Variants in TTC34 observed in about 807,000 individuals in gnomAD.
The protein encoded by TTC34 is tetratricopeptide repeat protein 34.
A neutral mutation model predicts 40.7 loss-of-function variants in TTC34; 44 were observed. The observed-to-expected ratio is 1.08, with a 90% CI of 0.85 to 1.39. TTC34 has a LOEUF of 1.39. TTC34 is among the 40% of genes most tolerant of loss of function. The pLI, the probability that TTC34 is intolerant of heterozygous loss-of-function variation, is 0.00. For synonymous variants in TTC34, 422 were observed against 398.6 expected (o/e 1.06, Z -0.70); for missense variants, 884 against 838.0 (o/e 1.05, Z -0.68).
At chr1:2,755,688 G>C (rs1641480261) in intron 6 of TTC34, among the ~76,000 whole-genome samples, 1 of 106,760 alleles carries the variant, frequency 9.4e-6, no homozygotes, top group African/African-American at 4.5e-5. Context: ...TGACATCGTG[G>C]AGCAGCACCC....
At chr1:2,685,096 A>G (rs1640266159) in intron 6 of TTC34, among the ~76,000 whole-genome samples, 1 of 140,808 alleles carries the variant, frequency 7.1e-6, no homozygotes, top group Non-Finnish European at 1.5e-5. Context: ...TGTGCACGTG[A>G]CAGCTTGGAT....
chr1:2,653,345 A>G (rs1291491702), intron 6 of TTC34, among the ~76,000 whole-genome samples: 1 of 150,362 alleles, frequency 6.7e-6, no homozygotes, highest in South Asian at 2.1e-4. Context: ...TGAGCATCTG[A>G]CAGCCTGGAA....
exon 9 of TTC34, chr1:2,641,365 C>T (rs1415056765): frequency 1.3e-6 from 2 of 1,499,984 alleles, no homozygotes; most frequent in African/African-American, 2.8e-5. Flanking sequence ...GGGTCAGGCC[C>T]AGTCACTGTA....
intron 5 of TTC34, 139 bp from the exon 6 acceptor site, chr1:2,783,914 AAGAC>A (rs1315943785): frequency 1.4e-5 from 11 of 786,642 alleles, no homozygotes; most frequent in East Asian, 3.2e-5. Flanking sequence ...ACTGGGCACC[AAGAC>A]AGACAGAGAC....
At chr1:2,651,107 A>G (rs1439802341) in intron 6 of TTC34, among the ~76,000 whole-genome samples, 1 of 141,190 alleles carries the variant, frequency 7.1e-6, no homozygotes, top group Non-Finnish European at 1.6e-5. Context: ...CGGCACCCCA[A>G]ACCCCCAGGT....
chr1:2,751,269 C>A lies in TTC34; in HGVS notation c.2226+32340G>T, dbSNP rs1420295031. Among the ~76,000 whole-genome samples, 7 of 119,332 alleles carry A rather than the reference C, an allele frequency of 5.9e-5. 1 individual carries two copies. In the East Asian group the frequency reaches 2.0e-3, roughly 35 times the overall value. 78.3% of individuals were successfully genotyped at this position (119,332 alleles called of 152,430 possible). ...ACACCCCCAGTGAGCATCCGACAGC[C>A]TGGAACAGCACCCACACACCCAGGT... On this transcript the variant is annotated intron_variant, in intron 6 of 8. Coordinates refer to ENST00000401095, the Ensembl canonical transcript of TTC34.
intron 6 of TTC34, among the ~76,000 whole-genome samples, chr1:2,764,188 G>A (rs1295360824): frequency 6.7e-6 from 1 of 149,322 alleles, no homozygotes; most frequent in Non-Finnish European, 1.5e-5. Flanking sequence ...GCAACCCCAG[G>A]TGAGCATCTG....
In TTC34 at chr1:2,700,045, G is replaced by A. The variant is rs192669311; in HGVS notation, c.2227-54482C>T. On this transcript the variant is annotated intron_variant, in intron 6 of 8. Coordinates refer to ENST00000401095, the Ensembl canonical transcript of TTC34. ...TGAGCATCTGATAGCCTGGAGCAGC[G>A]CCCACACCCAGAGGTGAGCATATGA... Among the ~76,000 whole-genome samples, 46 of 92,326 alleles carry A rather than the reference G, an allele frequency of 5.0e-4. 2 individuals carry two copies. Among genetic ancestry groups the A allele is most frequent in the East Asian group, 4.3e-3 (12 of 2,802 alleles). 60.6% of individuals were successfully genotyped at this position (92,326 alleles called of 152,430 possible).
At chr1:2,686,692 C>A (rs556786669) in intron 6 of TTC34, among the ~76,000 whole-genome samples, 14 of 99,760 alleles carry the variant, frequency 1.4e-4, no homozygotes, top group African/African-American at 2.1e-4. Context: ...CCCCCAGGTG[C>A]GCACGTGACA....
intron 3 of TTC34, among the ~76,000 whole-genome samples, chr1:2,788,815 C>T (rs1219725420): frequency 6.6e-6 from 1 of 152,178 alleles, no homozygotes; most frequent in Non-Finnish European, 1.5e-5. Context: ...GAACAAAGGC[C>T]AGGCGCGGTG....
intron 3 of TTC34, among the ~76,000 whole-genome samples, chr1:2,788,577 CT>C (rs1174433151): frequency 6.6e-6 from 1 of 152,184 alleles, no homozygotes; most frequent in Non-Finnish European, 1.5e-5. Context: ...GTCAAAGCAG[CT>C]AGGGATTCAC....
At chr1:2,675,588 G>T (rs1254057647) in intron 6 of TTC34, among the ~76,000 whole-genome samples, 1 of 146,338 alleles carries the variant, frequency 6.8e-6, no homozygotes, top group Non-Finnish European at 1.5e-5. Context: ...TGACGGCCTG[G>T]AACGGCACCC....
intron 6 of TTC34, among the ~76,000 whole-genome samples, chr1:2,678,220 T>G (rs1570794620): frequency 2.1e-4 from 1 of 4,824 alleles, no homozygotes; most frequent in African/African-American, 3.6e-3. Context: ...CACACCCAGG[T>G]GAGCATCTGA....
intron 6 of TTC34, among the ~76,000 whole-genome samples, chr1:2,675,564 C>A (rs1260382630): frequency 1.4e-5 from 2 of 140,432 alleles, no homozygotes; most frequent in African/African-American, 2.7e-5. Flanking sequence ...CACCCACACC[C>A]CAAGGCGAGC....
intron 6 of TTC34, among the ~76,000 whole-genome samples, chr1:2,673,495 A>C (rs1570784367): frequency 1.3e-5 from 1 of 74,532 alleles, no homozygotes; most frequent in East Asian, 3.1e-4. Flanking sequence ...AGCATCTGAC[A>C]GCCTGGAACA....
At chr1:2,749,497 T>TC (rs1641247879) in intron 6 of TTC34, among the ~76,000 whole-genome samples, 1 of 89,578 alleles carries the variant, frequency 1.1e-5, no homozygotes, top group Non-Finnish European at 2.0e-5. Context: ...CAGGTGAGCA[T>TC]TGGACAGCCT....
At chr1:2,692,421 C>T (rs564675194) in intron 6 of TTC34, among the ~76,000 whole-genome samples, 1 of 124,652 alleles carries the variant, frequency 8.0e-6, no homozygotes, top group South Asian at 2.6e-4. Flanking sequence ...GCAGCACCCA[C>T]ACCCCCAGGT....
At chr1:2,677,005 A>T (rs1639929410) in intron 6 of TTC34, among the ~76,000 whole-genome samples, 3 of 95,112 alleles carry the variant, frequency 3.2e-5, no homozygotes, top group Non-Finnish European at 4.4e-5. Flanking sequence ...AGCAGCACCC[A>T]CCACTCCCAG....
At chr1:2,698,467 G>T (rs968577072) in intron 6 of TTC34, among the ~76,000 whole-genome samples, 1 of 119,950 alleles carries the variant, frequency 8.3e-6, no homozygotes, top group African/African-American at 3.3e-5. Flanking sequence ...GCATGTGACA[G>T]CCTGGATCAG....
Sources: allele counts gnomAD v4.1 joint callset (sites outside exome capture counted in the v4.1 genomes callset), GRCh38; gene constraint gnomAD v4.1.1; transcripts MANE v1.5; gene names NCBI Gene and HGNC (gene_info 2026-07-23, HGNC 2026-07-21).